The following VAV3 variants were observed in gnomAD, a reference collection of about 807,000 sequenced individuals.
VAV3 encodes the protein vav guanine nucleotide exchange factor 3, also known as guanine nucleotide exchange factor VAV3.
A neutral mutation model predicts 131.2 loss-of-function variants in VAV3; 94 were observed. The observed-to-expected ratio is 0.72, with a 90% CI of 0.61 to 0.85. VAV3 has a LOEUF of 0.85. VAV3 is among the 40% of genes least tolerant of loss of function. VAV3 has a pLI of 0.00. For missense variants in VAV3, 939 were observed against 1,002.7 expected (o/e 0.94, Z 0.86); for synonymous variants, 349 against 342.0 (o/e 1.02, Z -0.22).
intron 1 of VAV3, among the ~76,000 whole-genome samples, chr1:107,961,062 A>G (rs1557948541): frequency 6.6e-6 from 1 of 152,128 alleles, no homozygotes; most frequent in Non-Finnish European, 1.5e-5. Flanking sequence ...CAGTGTCTAA[A>G]ACAGCGCCTG....
intron 17 of VAV3, among the ~76,000 whole-genome samples, chr1:107,702,572 T>C (rs990923814): frequency 5.3e-5 from 8 of 152,198 alleles, no homozygotes; most frequent in Non-Finnish European, 1.0e-4. Context: ...TTGAAATAAT[T>C]ACCTAGGAAC....
At chr1:107,776,643 A>G (rs938994115) in intron 4 of VAV3, among the ~76,000 whole-genome samples, 27 of 152,214 alleles carry the variant, frequency 1.8e-4, no homozygotes, top group African/African-American at 5.5e-4. Context: ...TCTTATTATG[A>G]TTCTTTGCAA....
intron 20 of VAV3, among the ~76,000 whole-genome samples, chr1:107,638,162 ACT>A (rs1655071429): frequency 6.6e-6 from 1 of 152,148 alleles, no homozygotes; most frequent in Non-Finnish European, 1.5e-5. Context: ...GCAAGGATAT[ACT>A]CTCTCATGAC....
In VAV3 at chr1:107,642,614, A is replaced by T; in HGVS notation, c.1914+5T>A. ...ATCAGGACCCCTTTCCTGCAACAAC[A>T]GTACCTGCCAAAACAGACTGTGTGC... On this transcript the variant is annotated splice_donor_5th_base_variant and intron_variant, in intron 20 of 26. Transcript: ENST00000370056. 6.2e-7 allele frequency: 1 copy of T among 1,612,192 alleles called. No homozygotes were observed. The highest frequency in any genetic ancestry group is 8.5e-7 in the Non-Finnish European group (1 of 1,179,258).
At chr1:107,903,232 C>T (rs960297044) in intron 1 of VAV3, among the ~76,000 whole-genome samples, 1 of 152,034 alleles carries the variant, frequency 6.6e-6, no homozygotes, top group African/African-American at 2.4e-5. Context: ...AGAAGAAAAC[C>T]AGCACCTCCA....
chr1:107,584,947 G>A (rs1212440853), intron 25 of VAV3, among the ~76,000 whole-genome samples: 1 of 152,154 alleles, frequency 6.6e-6, no homozygotes, highest in Non-Finnish European at 1.5e-5. Flanking sequence ...GCCAAAGACT[G>A]CTAAGATATC....
chr1:107,664,661 G>C (rs1193460485), intron 19 of VAV3, among the ~76,000 whole-genome samples: 1 of 151,974 alleles, frequency 6.6e-6, no homozygotes, highest in African/African-American at 2.4e-5. Context: ...CAGTTATTAA[G>C]GAGCTTATGA....
chr1:107,750,352 G>T (rs1299449980), intron 13 of VAV3, among the ~76,000 whole-genome samples: 2 of 152,238 alleles, frequency 1.3e-5, no homozygotes, highest in East Asian at 3.9e-4. Flanking sequence ...CGTAACTTGG[G>T]GGAGAAAATA....
At position 107,572,268 on chromosome 1, in the gene VAV3, CT is replaced by C. The variant is rs1477983792; in HGVS notation, c.*1062del. 5 of 152,208 alleles carry C rather than the reference CT, an allele frequency of 3.3e-5. No homozygotes were observed. Among genetic ancestry groups the C allele is most frequent in the African/African-American group, 1.2e-4 (5 of 41,450 alleles). 9.4% of individuals were successfully genotyped at this position (152,208 alleles called of 1,614,324 possible). On this transcript the variant is annotated 3_prime_UTR_variant, in exon 27 of 27. Coordinates refer to ENST00000370056, the MANE Select transcript of VAV3 (RefSeq NM_006113.5). Reference sequence around the variant, plus strand: ...AGGCCCACAAAAGTCCACTGACCCTCTTTCTGTCCCAGAAATGAATAAAGGA... The same window carrying C: ...AGGCCCACAAAAGTCCACTGACCCTCTTCTGTCCCAGAAATGAATAAAGGA...
intron 2 of VAV3, among the ~76,000 whole-genome samples, chr1:107,795,445 G>C (rs1173066037): frequency 1.3e-5 from 2 of 152,098 alleles, no homozygotes; most frequent in Non-Finnish European, 2.9e-5. Flanking sequence ...TGGTATTTGT[G>C]ATCTAATTGT....
At chr1:107,612,455 CTCTTT>C (rs1652828348) in intron 21 of VAV3, among the ~76,000 whole-genome samples, 1 of 151,980 alleles carries the variant, frequency 6.6e-6, no homozygotes, top group Admixed American at 6.6e-5. Context: ...GTTCCTATTT[CTCTTT>C]TGAGGTTTTC....
At chr1:107,683,869 A>G (rs1038072261) in intron 18 of VAV3, among the ~76,000 whole-genome samples, 26 of 152,174 alleles carry the variant, frequency 1.7e-4, no homozygotes, top group African/African-American at 4.8e-4. Flanking sequence ...TCTTGGTTAG[A>G]ATATGTTCCC....
At chr1:107,816,870 C>G (rs1667581847) in intron 2 of VAV3, among the ~76,000 whole-genome samples, 1 of 152,082 alleles carries the variant, frequency 6.6e-6, no homozygotes, top group Admixed American at 6.6e-5. Context: ...CACAGAACAC[C>G]ATTTCATCAT....
chr1:107,815,878 G>A (rs113359352), intron 2 of VAV3, among the ~76,000 whole-genome samples: 3,506 of 152,196 alleles, frequency 0.023, 70 homozygotes, highest in African/African-American at 0.053. Flanking sequence ...GACCCGTGGC[G>A]GGGTGTGGAG....
chr1:107,942,640 A>C (rs543032249), intron 1 of VAV3, among the ~76,000 whole-genome samples: 1 of 152,088 alleles, frequency 6.6e-6, no homozygotes, highest in African/African-American at 2.4e-5. Context: ...TCAGTCTACT[A>C]CTGCTTCTTT....
At position 107,920,310 on chromosome 1, in the gene VAV3, G is replaced by C. The variant is rs114887946; in HGVS notation, c.204+44356C>G. 6.5e-3 allele frequency among the ~76,000 whole-genome samples: 984 copies of C among 152,286 alleles called. 11 individuals are homozygous for C. Among genetic ancestry groups the C allele is most frequent in the African/African-American group, 0.023 (944 of 41,560 alleles). The stretch of plus-strand genomic sequence containing the variant: ...GTTGAAAAGCTAGATAAAATGCATA[G>C]GAGTTCATCATTACCACACACAGGG... On this transcript the variant is annotated intron_variant, in intron 1 of 26. Coordinates refer to ENST00000370056, the MANE Select transcript of VAV3 (RefSeq NM_006113.5).
intron 11 of VAV3, among the ~76,000 whole-genome samples, chr1:107,755,757 T>C (rs113097877): frequency 5.6e-4 from 85 of 152,170 alleles, no homozygotes; most frequent in African/African-American, 1.6e-3. Flanking sequence ...AGAGTCAGGA[T>C]GTTGTTGCCT....
intron 15 of VAV3, among the ~76,000 whole-genome samples, chr1:107,709,407 G>A (rs1660642643): frequency 6.6e-6 from 1 of 152,004 alleles, no homozygotes; most frequent in South Asian, 2.1e-4. Context: ...AAGAAGTAAA[G>A]GAAAGATAAG....
rs75746646 is a variant in VAV3, at chr1:107,662,402, A to G, written c.1778-19647T>C. ...TGGATTTTTTCCTGAAAGGATTTCT[A>G]TAAGGGAAAAAAAAATATCTGCCTC... is the stretch of plus-strand genomic sequence containing the variant. On this transcript the variant is annotated intron_variant, in intron 19 of 26. Coordinates refer to ENST00000370056, the MANE Select transcript of VAV3 (RefSeq NM_006113.5). Among the ~76,000 whole-genome samples, 872 of 152,302 alleles carry G rather than the reference A, an allele frequency of 5.7e-3. 10 individuals carry two copies. The highest frequency in any genetic ancestry group is 0.02 in the African/African-American group (839 of 41,558).
Sources: gnomAD v4.1 joint callset for allele counts (sites outside exome capture counted in the v4.1 genomes callset) on GRCh38, gnomAD v4.1.1 for gene constraint, MANE v1.5 for transcripts, NCBI Gene and HGNC (gene_info 2026-07-23, HGNC 2026-07-21) for gene names.